CD55: variants seen among roughly 807,000 people sequenced by gnomAD.
CD55 encodes CD55 molecule (Cromer blood group), also known as complement decay-accelerating factor.
Under a neutral mutation model 45.8 loss-of-function variants are expected in CD55, and 41 were observed. The ratio of observed to expected loss-of-function variants is 0.90; its 90% CI spans 0.70 to 1.16. CD55 has a LOEUF of 1.16. CD55 is among the 50% of genes most tolerant of loss of function. The pLI is 0.00. For synonymous variants in CD55, 181 were observed against 181.1 expected (o/e 1.00, Z 0.01); for missense variants, 416 against 469.8 (o/e 0.89, Z 1.06).
At chr1:207,322,657 A>C (rs926295322) in intron 2 of CD55, 90 bp downstream of exon 2, 1 of 1,127,042 alleles carries the variant, frequency 8.9e-7, no homozygotes, top group Non-Finnish European at 1.3e-6. Flanking sequence ...AGTAATTGAT[A>C]GTTCTCTAGC....
chr1:207,329,534 C>T (rs545546974), intron 5 of CD55, among the ~76,000 whole-genome samples: 1 of 152,310 alleles, frequency 6.6e-6, no homozygotes, highest in Non-Finnish European at 1.5e-5. Context: ...GGTCTACCTA[C>T]TGCTTGACAC....
chr1:207,339,958 G>A (rs969993914), intron 9 of CD55, among the ~76,000 whole-genome samples: 1 of 152,078 alleles, frequency 6.6e-6, no homozygotes, highest in Non-Finnish European at 1.5e-5. Flanking sequence ...ATTTTTGTGT[G>A]TTGGAAACAT....
intron 4 of CD55, 118 bp downstream of exon 4, chr1:207,325,839 C>G: frequency 3.5e-6 from 2 of 564,054 alleles, no homozygotes; most frequent in Non-Finnish European, 6.3e-6. Flanking sequence ...AAAACAATCC[C>G]TCTCCTCAAA....
intron 6 of CD55, among the ~76,000 whole-genome samples, chr1:207,334,281 C>G (rs918576241): frequency 6.6e-6 from 1 of 152,046 alleles, no homozygotes; most frequent in African/African-American, 2.4e-5. Flanking sequence ...ATTTTATACC[C>G]AGTTAATATA....
rs1355277424 is a variant in CD55, at chr1:207,360,921, G to A, written c.*1311G>A. 7 of 152,128 alleles carry A rather than the reference G, an allele frequency of 4.6e-5. No homozygotes were observed. The highest frequency in any genetic ancestry group is 7.2e-5 in the African/African-American group (3 of 41,434). 9.4% of individuals were successfully genotyped at this position (152,128 alleles called of 1,614,324 possible). A position where few individuals can be genotyped will look rare whatever the true frequency, so the allele number is the denominator to read the frequency against. On this transcript the variant is annotated 3_prime_UTR_variant, in exon 10 of 10. Transcript: ENST00000367064. The stretch of plus-strand genomic sequence containing the variant: ...TACGTTCATGGCATTTCACTGTAAA[G>A]ACTTTAATGTGTATTTCTTAAAATA...
In CD55 at chr1:207,322,555, G is replaced by T; in HGVS notation, c.274G>T (p.Glu92Ter). The T allele has an allele frequency of 6.2e-7, 1 of 1,611,116 alleles. No homozygotes were observed. Among genetic ancestry groups the T allele is most frequent in the African/African-American group, 1.3e-5 (1 of 74,840 alleles). The change falls in exon 2 of 10, where the codon GAG (glutamate) becomes TAG (stop). Residue 92 changes from glutamate (E) to a stop codon, truncating the protein, a stop_gained. Transcript: ENST00000367064. LOFTEE classifies it high-confidence loss of function. Reference sequence around the variant, plus strand: ...GGGCAGTCAATGGTCAGATATTGAAGAGTTCTGCAATCGTAAGTTCTTCAT... The same window carrying T: ...GGGCAGTCAATGGTCAGATATTGAATAGTTCTGCAATCGTAAGTTCTTCAT... The part of the protein sequence containing the change: ...LKGSQWSDIE[E>*]FCNRSCEVPT...
intron 9 of CD55, chr1:207,347,196 A>G (rs914493679): frequency 2.2e-6 from 1 of 456,136 alleles, no homozygotes; most frequent in Non-Finnish European, 4.4e-6. Context: ...GCCACTCCCC[A>G]TGATACTGTC....
chr1:207,323,276 T>TATATATATAGGGAGAGAG lies in CD55; in HGVS notation c.286+729_286+746dup, dbSNP rs1177519341. On this transcript the variant is annotated intron_variant, in intron 2 of 9. Transcript: ENST00000367064. ...AGAGATATATATATATAGGGAGATA[T>TATATATATAGGGAGAGAG]ATATATATAGGGAGAGAGATATATA... Among the ~76,000 whole-genome samples, 82 of 151,290 alleles carry TATATATATAGGGAGAGAG rather than the reference T, an allele frequency of 5.4e-4. 3 individuals are homozygous for TATATATATAGGGAGAGAG. In the South Asian group the frequency reaches 7.7e-3, roughly 14 times the overall value.
At position 207,337,338 on chromosome 1, in the gene CD55, G is replaced by C; in HGVS notation, c.989G>C (p.Ser330Thr). Residue 330 changes from serine (S) to threonine (T), a missense_variant, in exon 8 of 10, where the codon AGT (serine) becomes ACT (threonine). Ser to Thr is a moderately conservative substitution (Grantham distance 58). This residue lies in a region of CD55 where 182 missense variants were observed against 201.4 expected (regional missense o/e 0.90). Coordinates refer to ENST00000367064, the MANE Select transcript of CD55 (RefSeq NM_000574.5). The part of the protein sequence containing the change: ...TTTPNAQATR[S>T]TPVSRTTKHF... Reference sequence around the variant, plus strand: ...TCTGCTCATATTACAGCAACACGGAGTACACCTGTTTCCAGGACAACCAAG... The same window carrying C: ...TCTGCTCATATTACAGCAACACGGACTACACCTGTTTCCAGGACAACCAAG... 1 of 1,605,204 alleles carries C rather than the reference G, an allele frequency of 6.2e-7. No homozygotes were observed. The highest frequency in any genetic ancestry group is 1.3e-5 in the African/African-American group (1 of 74,798).
chr1:207,350,997 C>T (rs977937601), intron 9 of CD55, among the ~76,000 whole-genome samples: 1 of 152,216 alleles, frequency 6.6e-6, no homozygotes, highest in Middle Eastern at 3.4e-3. Flanking sequence ...ATGCTACAAA[C>T]TTTCCTCTTG....
intron 3 of CD55, 129 bp downstream of exon 3, chr1:207,324,879 G>A: frequency 2.2e-6 from 1 of 452,912 alleles, no homozygotes; most frequent in Non-Finnish European, 3.8e-6. Flanking sequence ...AGGACCATGA[G>A]TGTCAATTTA....
intron 9 of CD55, among the ~76,000 whole-genome samples, chr1:207,352,172 A>T (rs1396042655): frequency 6.6e-6 from 1 of 151,988 alleles, no homozygotes; most frequent in African/African-American, 2.4e-5. Flanking sequence ...TTTGCCTTGT[A>T]AATGAAGCAT....
chr1:207,340,365 T>G (rs1270419483), intron 9 of CD55: 2 of 454,490 alleles, frequency 4.4e-6, no homozygotes, highest in Admixed American at 8.4e-5. Context: ...TTTCTTTTTT[T>G]TATTTTTATT....
chr1:207,341,164 T>C (rs1238281305), intron 9 of CD55, among the ~76,000 whole-genome samples: 8 of 152,218 alleles, frequency 5.3e-5, no homozygotes, highest in Admixed American at 3.9e-4. Context: ...TTCTGGATAT[T>C]AGTACCTTTA....
At chr1:207,324,925 A>G (rs1654603897) in intron 3 of CD55, among the ~76,000 whole-genome samples, 175 bp downstream of exon 3, 1 of 152,218 alleles carries the variant, frequency 6.6e-6, no homozygotes, top group African/African-American at 2.4e-5. Flanking sequence ...TGGTAGGAAT[A>G]CTTATTCATT....
At chr1:207,339,692 C>T (rs28371629) in intron 9 of CD55, among the ~76,000 whole-genome samples, 1,715 of 152,152 alleles carry the variant, frequency 0.011, 41 homozygotes, top group African/African-American at 0.04. Flanking sequence ...TCCCAGACAT[C>T]GTATCATTTC....
At chr1:207,330,149 C>G (rs2102393434) in intron 5 of CD55, among the ~76,000 whole-genome samples, 2 of 152,130 alleles carry the variant, frequency 1.3e-5, no homozygotes, top group Middle Eastern at 6.8e-3. Flanking sequence ...TGAACTGAAC[C>G]AATGGTGTGT....
At chr1:207,335,878 A>G (rs1056184284) in intron 6 of CD55, among the ~76,000 whole-genome samples, 2 of 152,104 alleles carry the variant, frequency 1.3e-5, no homozygotes, top group East Asian at 1.9e-4. Flanking sequence ...TTCCTCAATA[A>G]TAATTACTCA....
intron 8 of CD55, among the ~76,000 whole-genome samples, chr1:207,338,873 G>A (rs1003692918): frequency 6.6e-6 from 1 of 152,074 alleles, no homozygotes; most frequent in African/African-American, 2.4e-5. Flanking sequence ...TGTTCACCTC[G>A]CTTAGGAGAG....
Sources: gnomAD v4.1 joint callset for allele counts (sites outside exome capture counted in the v4.1 genomes callset) on GRCh38, gnomAD v4.1.1 for gene constraint, gnomAD v4.1.1 regional missense constraint, MANE v1.5 for transcripts, NCBI Gene and HGNC (gene_info 2026-07-23, HGNC 2026-07-21) for gene names.